Variants in GALNT12 observed in about 807,000 individuals in gnomAD.
GALNT12 encodes polypeptide N-acetylgalactosaminyltransferase 12.
Under a neutral mutation model 55.5 loss-of-function variants are expected in GALNT12, and 45 were observed. The observed-to-expected ratio is 0.81, with a 90% CI of 0.64 to 1.04. GALNT12 has a LOEUF of 1.04. Ranked by LOEUF, GALNT12 falls within the 50% of genes least tolerant of loss-of-function variation. The pLI is 0.00. For synonymous variants in GALNT12, 304 were observed against 312.2 expected (o/e 0.97, Z 0.28); for missense variants, 709 against 754.8 (o/e 0.94, Z 0.71).
Position 98,844,286 on chromosome 9 carries a change from A to G in GALNT12, c.1458+77A>G. On this transcript the variant is annotated intron_variant, in intron 8 of 9. Transcript: ENST00000375011. Reference sequence around the variant, plus strand: ...TAAATAGTTGAATTTTTTTCTTGTAAAAGTAATATTTGGGAAATATAAAAA... The same window carrying G: ...TAAATAGTTGAATTTTTTTCTTGTAGAAGTAATATTTGGGAAATATAAAAA... 3 of 975,254 alleles carry G rather than the reference A, an allele frequency of 3.1e-6. No individual in the cohort carries two copies. In the South Asian group the frequency reaches 4.1e-5, roughly 13 times the overall value. 60.4% of individuals were successfully genotyped at this position (975,254 alleles called of 1,614,324 possible).
intron 8 of GALNT12, among the ~76,000 whole-genome samples, 176 bp from the exon 9 acceptor site, chr9:98,845,799 AGC>A (rs1473519597): frequency 6.6e-6 from 1 of 152,172 alleles, no homozygotes; most frequent in East Asian, 1.9e-4. Context: ...GCACTGCAGT[AGC>A]GGTTCACTGA....
chr9:98,827,021 T>C, intron 3 of GALNT12, 80 bp downstream of exon 3: 4 of 1,462,806 alleles, frequency 2.7e-6, no homozygotes, highest in Non-Finnish European at 2.8e-6. Flanking sequence ...TCACGTCACT[T>C]GAGGGTTAAC....
chr9:98,834,006 C>T (rs1185418625), intron 4 of GALNT12, among the ~76,000 whole-genome samples: 1 of 152,202 alleles, frequency 6.6e-6, no homozygotes, highest in African/African-American at 2.4e-5. Flanking sequence ...ACCTTCCCTT[C>T]CACTGGGGAT....
intron 1 of GALNT12, among the ~76,000 whole-genome samples, chr9:98,819,752 G>A (rs1281584410): frequency 1.3e-5 from 2 of 152,008 alleles, no homozygotes; most frequent in African/African-American, 2.4e-5. Flanking sequence ...GTGGGGAGAT[G>A]TGATACAGGG....
chr9:98,828,711 T>G (rs967139860), intron 3 of GALNT12, among the ~76,000 whole-genome samples: 6 of 152,228 alleles, frequency 3.9e-5, no homozygotes, highest in African/African-American at 1.4e-4. Context: ...TGTATATATT[T>G]ATGGGGTACA....
At chr9:98,847,839 G>T (rs528449055) in intron 9 of GALNT12, among the ~76,000 whole-genome samples, 1 of 137,782 alleles carries the variant, frequency 7.3e-6, no homozygotes, top group African/African-American at 2.7e-5. Context: ...TTTTTGAGAC[G>T]GAGCCTTGCT....
intron 9 of GALNT12, chr9:98,848,653 T>C (rs1258141533): frequency 2.3e-6 from 1 of 431,048 alleles, no homozygotes; most frequent in Non-Finnish European, 4.3e-6. Context: ...AAAGGATCTT[T>C]GTTCCTGATT....
chr9:98,846,165 G>T, intron 9 of GALNT12, 42 bp downstream of exon 9: 1 of 1,609,788 alleles, frequency 6.2e-7, no homozygotes, highest in East Asian at 2.2e-5. Context: ...CAGTCCCTGG[G>T]CTATAAGGGA....
chr9:98,841,693 A>G (rs1238211754), intron 7 of GALNT12, among the ~76,000 whole-genome samples: 2 of 151,870 alleles, frequency 1.3e-5, no homozygotes, highest in African/African-American at 2.4e-5. Flanking sequence ...TTTTGAGAGA[A>G]AAGTCTTGCT....
At chr9:98,832,638 A>G (rs931176048) in intron 4 of GALNT12, among the ~76,000 whole-genome samples, 5 of 152,118 alleles carry the variant, frequency 3.3e-5, no homozygotes, top group African/African-American at 1.2e-4. Flanking sequence ...CCACACAGAA[A>G]ATATCCCCAC....
chr9:98,835,584 T>C (rs890511306), intron 5 of GALNT12, among the ~76,000 whole-genome samples: 2 of 152,184 alleles, frequency 1.3e-5, no homozygotes, highest in Non-Finnish European at 2.9e-5. Flanking sequence ...TCTCACTCTA[T>C]GGAGAGGAGG....
chr9:98,832,225 G>A (rs1371799452), intron 4 of GALNT12, among the ~76,000 whole-genome samples: 1 of 152,100 alleles, frequency 6.6e-6, no homozygotes, highest in East Asian at 1.9e-4. Flanking sequence ...CCATTTTGAA[G>A]TATGCAATTT....
At chr9:98,822,191 C>A (rs559832749) in intron 1 of GALNT12, among the ~76,000 whole-genome samples, 1 of 152,328 alleles carries the variant, frequency 6.6e-6, no homozygotes, top group South Asian at 2.1e-4. Context: ...AGCATTTCAC[C>A]CCCTTCTTGA....
At chr9:98,810,179 A>G (rs771758048) in intron 1 of GALNT12, among the ~76,000 whole-genome samples, 1 of 152,184 alleles carries the variant, frequency 6.6e-6, no homozygotes, top group Non-Finnish European at 1.5e-5. Flanking sequence ...AGAAACCTGA[A>G]TGGCAGATCA....
chr9:98,837,359 C>T (rs1836181167), intron 6 of GALNT12, among the ~76,000 whole-genome samples: 1 of 152,074 alleles, frequency 6.6e-6, no homozygotes, highest in African/African-American at 2.4e-5. Context: ...ATAAAGCCAC[C>T]ACAAATGCTG....
intron 4 of GALNT12, among the ~76,000 whole-genome samples, chr9:98,833,415 G>T (rs567244517): frequency 6.6e-6 from 1 of 152,168 alleles, no homozygotes; most frequent in South Asian, 2.1e-4. Flanking sequence ...AGAGATGGGC[G>T]GGGCCAAGGG....
At chr9:98,833,218 A>C (rs1347758856) in intron 4 of GALNT12, among the ~76,000 whole-genome samples, 1 of 152,000 alleles carries the variant, frequency 6.6e-6, no homozygotes, top group African/African-American at 2.4e-5. Flanking sequence ...CAGATGTGGG[A>C]GTTGGGCAGG....
At chr9:98,826,638 CCTGT>C (rs1199267291) in intron 2 of GALNT12, 110 bp from the exon 3 acceptor site, 2 of 1,048,020 alleles carry the variant, frequency 1.9e-6, no homozygotes, top group Admixed American at 2.0e-5. Flanking sequence ...AAAGGAGGCT[CCTGT>C]CTATTTCATC....
chr9:98,837,205 A>G, intron 6 of GALNT12, 57 bp downstream of exon 6: 1 of 1,553,896 alleles, frequency 6.4e-7, no homozygotes, highest in Non-Finnish European at 8.9e-7. Flanking sequence ...ACAGCAGCTA[A>G]TCGTGGCTTC....
Sources: allele counts gnomAD v4.1 joint callset (sites outside exome capture counted in the v4.1 genomes callset), GRCh38; gene constraint gnomAD v4.1.1; transcripts MANE v1.5; gene names NCBI Gene and HGNC (gene_info 2026-07-23, HGNC 2026-07-21).